VRK1: variants seen among roughly 807,000 people sequenced by gnomAD.
VRK1 encodes VRK serine/threonine kinase 1, also known as serine/threonine-protein kinase VRK1.
A neutral mutation model predicts 57.1 loss-of-function variants in VRK1; 33 were observed. The ratio of observed to expected loss-of-function variants is 0.58; its 90% CI spans 0.44 to 0.77. The LOEUF (loss-of-function observed/expected upper bound fraction) is 0.77, where lower values mean the gene tolerates loss of function less well. VRK1 is among the 30% of genes least tolerant of loss of function. The pLI, the probability that VRK1 is intolerant of heterozygous loss-of-function variation, is 0.00. For missense variants in VRK1, 413 were observed against 477.3 expected (o/e 0.87, Z 1.25); for synonymous variants, 137 against 147.8 (o/e 0.93, Z 0.53).
At chr14:96,844,904 TA>T (rs1405557512) in intron 3 of VRK1, among the ~76,000 whole-genome samples, 1 of 152,212 alleles carries the variant, frequency 6.6e-6, no homozygotes, top group African/African-American at 2.4e-5. Context: ...AAATCTGAGA[TA>T]ATTAGAGCAG....
chr14:96,871,593 T>C (rs1476177560), intron 11 of VRK1, among the ~76,000 whole-genome samples: 1 of 152,198 alleles, frequency 6.6e-6, no homozygotes, highest in East Asian at 1.9e-4. Context: ...AGTTTCTCTT[T>C]TGCTTTAACT....
chr14:96,877,508 A>G (rs1361369595), intron 12 of VRK1: 2 of 1,289,444 alleles, frequency 1.6e-6, no homozygotes, highest in Non-Finnish European at 2.0e-6. Context: ...TTAGGAAGTG[A>G]GGAGTCCCAA....
chr14:96,818,439 C>T (rs369771451), intron 1 of VRK1, among the ~76,000 whole-genome samples: 2 of 152,146 alleles, frequency 1.3e-5, no homozygotes, highest in Non-Finnish European at 2.9e-5. Context: ...GAGTTAGAAA[C>T]GTGAGTCTTC....
At chr14:96,850,949 A>T (rs1032823914) in intron 5 of VRK1, among the ~76,000 whole-genome samples, 2 of 152,136 alleles carry the variant, frequency 1.3e-5, no homozygotes, top group South Asian at 4.1e-4. Context: ...TGCTCATCCT[A>T]TGTTATAATC....
At chr14:96,822,885 C>T (rs1034909380) in intron 1 of VRK1, among the ~76,000 whole-genome samples, 1 of 152,230 alleles carries the variant, frequency 6.6e-6, no homozygotes, top group Non-Finnish European at 1.5e-5. Context: ...GGGACTTGAT[C>T]TCCTGCTTCC....
At chr14:96,804,056 T>C (rs1182087449) in intron 1 of VRK1, among the ~76,000 whole-genome samples, 1 of 152,202 alleles carries the variant, frequency 6.6e-6, no homozygotes, top group East Asian at 1.9e-4. Flanking sequence ...AATATATGGA[T>C]CGTGTTTTTA....
At chr14:96,841,031 A>AT (rs1204005095) in intron 3 of VRK1, among the ~76,000 whole-genome samples, 2 of 151,256 alleles carry the variant, frequency 1.3e-5, no homozygotes, top group Non-Finnish European at 3.0e-5. Context: ...AATTTTTTTG[A>AT]TTTTTTGGTA....
intron 10 of VRK1, among the ~76,000 whole-genome samples, chr14:96,857,968 C>T (rs1229480568): frequency 2.6e-5 from 4 of 152,136 alleles, no homozygotes; most frequent in Admixed American, 6.5e-5. Flanking sequence ...CAATTCCTGT[C>T]CTCTTGAAAT....
chr14:96,804,789 A>C lies in VRK1; in HGVS notation c.-6+7342A>C, dbSNP rs114914463. ...ACTTTGTTTTACAAATATCTGCCAG[A>C]AAGCTAAAAAAGTGGTGTTACTTCA... is the stretch of plus-strand genomic sequence containing the variant. On this transcript the variant is annotated intron_variant, in intron 1 of 12. Coordinates refer to ENST00000216639, the MANE Select transcript of VRK1 (RefSeq NM_003384.3). 1.3e-3 allele frequency among the ~76,000 whole-genome samples: 205 copies of C among 152,362 alleles called. 2 individuals carry two copies. Among genetic ancestry groups the C allele is most frequent in the African/African-American group, 4.7e-3 (196 of 41,590 alleles).
intron 11 of VRK1, among the ~76,000 whole-genome samples, chr14:96,872,964 T>TAG (rs1888883444): frequency 6.6e-6 from 1 of 152,204 alleles, no homozygotes; most frequent in South Asian, 2.1e-4. Flanking sequence ...CTGTGTTCTA[T>TAG]AGCACATATG....
intron 11 of VRK1, among the ~76,000 whole-genome samples, chr14:96,871,052 A>T (rs1034306089): frequency 6.6e-6 from 1 of 152,196 alleles, no homozygotes; most frequent in Admixed American, 6.5e-5. Context: ...GACAAAGTCT[A>T]CCATTGTATC....
intron 11 of VRK1, 53 bp downstream of exon 11, chr14:96,860,788 TA>T (rs1888358662): frequency 6.3e-7 from 1 of 1,583,528 alleles, no homozygotes. Context: ...ATAATTGCAA[TA>T]AATACTAAAA....
At chr14:96,839,997 T>G (rs1887389308) in intron 3 of VRK1, among the ~76,000 whole-genome samples, 1 of 152,236 alleles carries the variant, frequency 6.6e-6, no homozygotes, top group Non-Finnish European at 1.5e-5. Flanking sequence ...TAGAATTGAT[T>G]TGTGAATACT....
chr14:96,843,353 C>CTGTGTG (rs1887544048), intron 3 of VRK1, among the ~76,000 whole-genome samples: 1 of 152,194 alleles, frequency 6.6e-6, no homozygotes, highest in South Asian at 2.1e-4. Context: ...GGTCATTGTA[C>CTGTGTG]TGTGGTCCTT....
At chr14:96,805,984 CTTTTT>C (rs368273142) in intron 1 of VRK1, among the ~76,000 whole-genome samples, 2 of 126,370 alleles carry the variant, frequency 1.6e-5, no homozygotes, top group African/African-American at 5.8e-5. Context: ...GAGAATTTTT[CTTTTT>C]TTTTTTTTTT....
chr14:96,809,595 C>T (rs1197350616), intron 1 of VRK1, among the ~76,000 whole-genome samples: 22 of 130,362 alleles, frequency 1.7e-4, no homozygotes, highest in African/African-American at 6.1e-4. Context: ...TTTTCTGAAA[C>T]GAAGTCTCCC....
chr14:96,850,423 T>G (rs978979422), intron 5 of VRK1, among the ~76,000 whole-genome samples: 1 of 152,210 alleles, frequency 6.6e-6, no homozygotes, highest in Non-Finnish European at 1.5e-5. Context: ...TTAGAGGAGT[T>G]ACTTAGAAAT....
chr14:96,863,822 G>T (rs2139821363), intron 11 of VRK1, among the ~76,000 whole-genome samples: 1 of 152,146 alleles, frequency 6.6e-6, no homozygotes, highest in East Asian at 1.9e-4. Context: ...ATTTAGCCTG[G>T]AACAGGGTAC....
chr14:96,830,564 T>C (rs1886964479), intron 1 of VRK1, among the ~76,000 whole-genome samples: 1 of 152,214 alleles, frequency 6.6e-6, no homozygotes, highest in Non-Finnish European at 1.5e-5. Flanking sequence ...ATAAAGTGTT[T>C]TTTAGCTTGT....
Sources: gnomAD v4.1 joint callset for allele counts (sites outside exome capture counted in the v4.1 genomes callset) on GRCh38, gnomAD v4.1.1 for gene constraint, MANE v1.5 for transcripts, NCBI Gene and HGNC (gene_info 2026-07-23, HGNC 2026-07-21) for gene names.